The following PITPNC1 variants were observed in gnomAD, a reference collection of about 807,000 sequenced individuals.
PITPNC1 encodes the protein cytoplasmic phosphatidylinositol transfer protein 1.
Under a neutral mutation model 44.7 loss-of-function variants are expected in PITPNC1, and 18 were observed. The observed-to-expected ratio is 0.40, with a 90% CI of 0.28 to 0.60. The LOEUF is 0.60. Ranked by LOEUF, PITPNC1 falls within the 20% of genes least tolerant of loss-of-function variation. PITPNC1 has a pLI of 0.39. For synonymous variants in PITPNC1, 141 were observed against 149.6 expected (o/e 0.94, Z 0.42); for missense variants, 290 against 418.4 (o/e 0.69, Z 2.68).
At chr17:67,419,205 C>T (rs1414766933) in intron 1 of PITPNC1, among the ~76,000 whole-genome samples, 1 of 151,640 alleles carries the variant, frequency 6.6e-6, no homozygotes, top group African/African-American at 2.4e-5. Flanking sequence ...AAAGATGCAA[C>T]AGGGGTTGGC....
chr17:67,467,531 G>A (rs1309667584), intron 1 of PITPNC1, among the ~76,000 whole-genome samples: 1 of 152,150 alleles, frequency 6.6e-6, no homozygotes, highest in Non-Finnish European at 1.5e-5. Flanking sequence ...TGGTGATTGA[G>A]TGGCTCTCGC....
intron 1 of PITPNC1, among the ~76,000 whole-genome samples, chr17:67,472,223 C>G (rs1411561425): frequency 1.3e-5 from 2 of 150,174 alleles, no homozygotes; most frequent in Non-Finnish European, 3.0e-5. Flanking sequence ...CCTTTCCATA[C>G]TCTGTTCCAG....
intron 2 of PITPNC1, among the ~76,000 whole-genome samples, chr17:67,550,798 A>G (rs1432061058): frequency 3.9e-5 from 6 of 152,232 alleles, no homozygotes; most frequent in Non-Finnish European, 8.8e-5. Flanking sequence ...GCAGTCGCTC[A>G]CACCTGTAAT....
rs997331383 is a variant in PITPNC1 at position 67,527,008 on chromosome 17, TGTA to T, written c.49-5793_49-5791del. Reference sequence around the variant, plus strand: ...GGAACTGTCTCTAGTCATGATTGCCTGTAATGATGATTACCCAAACTCTGGAAT... The same window carrying T: ...GGAACTGTCTCTAGTCATGATTGCCTATGATGATTACCCAAACTCTGGAAT... On this transcript the variant is annotated intron_variant, in intron 1 of 8. Coordinates refer to ENST00000581322, the MANE Select transcript of PITPNC1 (RefSeq NM_012417.4). Among the ~76,000 whole-genome samples, 56 of 148,384 alleles carry T rather than the reference TGTA, an allele frequency of 3.8e-4. 1 individual carries two copies. Among genetic ancestry groups the T allele is most frequent in the African/African-American group, 1.3e-3 (54 of 40,988 alleles).
At chr17:67,649,330 CAT>C (rs2042184427) in intron 6 of PITPNC1, among the ~76,000 whole-genome samples, 2 of 152,198 alleles carry the variant, frequency 1.3e-5, no homozygotes, top group Admixed American at 6.5e-5. Context: ...TGAAGGAGCC[CAT>C]GGCTAGGGCT....
At chr17:67,498,900 C>T (rs1259496079) in intron 1 of PITPNC1, among the ~76,000 whole-genome samples, 2 of 138,134 alleles carry the variant, frequency 1.4e-5, no homozygotes, top group African/African-American at 5.5e-5. Flanking sequence ...GAGATGGAGT[C>T]TTGCTCTGCT....
At chr17:67,417,008 C>G (rs1184180767) in intron 1 of PITPNC1, among the ~76,000 whole-genome samples, 1 of 152,006 alleles carries the variant, frequency 6.6e-6, no homozygotes, top group Non-Finnish European at 1.5e-5. Flanking sequence ...GACGGGGTTT[C>G]TCCATGTTGA....
At chr17:67,453,237 A>G (rs879607370) in intron 1 of PITPNC1, among the ~76,000 whole-genome samples, 13 of 152,234 alleles carry the variant, frequency 8.5e-5, no homozygotes, top group African/African-American at 1.7e-4. Flanking sequence ...AATCAACTCA[A>G]AAGATGAGGT....
chr17:67,645,297 C>T (rs1014297843), intron 6 of PITPNC1, among the ~76,000 whole-genome samples: 6 of 149,388 alleles, frequency 4.0e-5, no homozygotes, highest in South Asian at 4.2e-4. Context: ...GCCAAGATCG[C>T]GCCATTGCAT....
intron 5 of PITPNC1, among the ~76,000 whole-genome samples, chr17:67,627,511 C>T (rs2041910481): frequency 6.6e-6 from 1 of 152,234 alleles, no homozygotes; most frequent in South Asian, 2.1e-4. Flanking sequence ...AGCTATTCAA[C>T]AGAGGAACAG....
intron 1 of PITPNC1, among the ~76,000 whole-genome samples, chr17:67,410,886 C>A (rs1461607255): frequency 6.6e-6 from 1 of 151,722 alleles, no homozygotes; most frequent in Non-Finnish European, 1.5e-5. Context: ...AGTTCAAGAC[C>A]AGCCTGGCCA....
At chr17:67,446,932 A>T (rs954067424) in intron 1 of PITPNC1, among the ~76,000 whole-genome samples, 6 of 151,714 alleles carry the variant, frequency 4.0e-5, no homozygotes. Flanking sequence ...TCTACTAAAA[A>T]TACAAAAATT....
At chr17:67,636,644 G>A (rs558837451) in intron 6 of PITPNC1, among the ~76,000 whole-genome samples, 59 of 152,136 alleles carry the variant, frequency 3.9e-4, no homozygotes, top group Non-Finnish European at 7.8e-4. Context: ...TCCCCCAGGG[G>A]CGACTCCCTC....
At chr17:67,680,863 C>G (rs1321478908) in intron 8 of PITPNC1, among the ~76,000 whole-genome samples, 1 of 152,156 alleles carries the variant, frequency 6.6e-6, no homozygotes, top group Non-Finnish European at 1.5e-5. Flanking sequence ...TCTGGGGCCT[C>G]CCTGACCCAA....
chr17:67,386,982 A>T (rs753802360), intron 1 of PITPNC1, among the ~76,000 whole-genome samples: 17 of 152,356 alleles, frequency 1.1e-4, no homozygotes, highest in Middle Eastern at 3.4e-3. Flanking sequence ...AAGGAGGATG[A>T]GGCGCAAATA....
In PITPNC1 at chr17:67,513,485, G is replaced by GTATATA. The variant is rs1192843030; in HGVS notation, c.49-19316_49-19315insATATAT. Among the ~76,000 whole-genome samples, 37 of 134,856 alleles carry GTATATA rather than the reference G, an allele frequency of 2.7e-4. 1 individual carries two copies. The highest frequency in any genetic ancestry group is 1.1e-3 in the African/African-American group (33 of 31,136). The allele number at this position is 134,856 out of a possible 152,430, so 88.5% of individuals were successfully genotyped here. Reference sequence around the variant, plus strand: ...TACTATATTTTTACTATATGTGTGTGTGTGTATATATATATATATATATAT... The same window carrying GTATATA: ...TACTATATTTTTACTATATGTGTGTGTATATATGTGTATATATATATATATATATAT... On this transcript the variant is annotated intron_variant, in intron 1 of 8. Transcript: ENST00000581322.
At chr17:67,397,531 G>A (rs2038237993) in intron 1 of PITPNC1, among the ~76,000 whole-genome samples, 1 of 152,140 alleles carries the variant, frequency 6.6e-6, no homozygotes, top group Non-Finnish European at 1.5e-5. Context: ...GAGAAATGAC[G>A]TCGGGGGTTA....
intron 1 of PITPNC1, among the ~76,000 whole-genome samples, chr17:67,498,578 A>G (rs2039986363): frequency 6.6e-6 from 1 of 152,156 alleles, no homozygotes; most frequent in Admixed American, 6.5e-5. Context: ...GTATTGCTGG[A>G]TCATGTGGTA....
At chr17:67,526,083 T>G (rs1482525555) in intron 1 of PITPNC1, among the ~76,000 whole-genome samples, 1 of 152,196 alleles carries the variant, frequency 6.6e-6, no homozygotes, top group South Asian at 2.1e-4. Context: ...AAAGCCATGG[T>G]TCCCGCTGTT....
Sources: allele counts gnomAD v4.1 joint callset (sites outside exome capture counted in the v4.1 genomes callset), GRCh38; gene constraint gnomAD v4.1.1; transcripts MANE v1.5; gene names NCBI Gene and HGNC (gene_info 2026-07-23, HGNC 2026-07-21).